Variants in GSTCD observed in about 807,000 individuals in gnomAD.
GSTCD encodes glutathione S-transferase C-terminal domain containing.
Under a neutral mutation model 68.3 loss-of-function variants are expected in GSTCD, and 44 were observed. The ratio of observed to expected loss-of-function variants is 0.64; its 90% CI spans 0.51 to 0.83. The LOEUF is 0.83. Among genes scored for constraint, GSTCD ranks in the 40% least tolerant of loss-of-function variants. The pLI is 0.00. For synonymous variants in GSTCD, 273 were observed against 255.2 expected (o/e 1.07, Z -0.67); for missense variants, 739 against 735.9 (o/e 1.00, Z -0.05).
chr4:105,832,017 CTTAG>C (rs1309143396), intron 8 of GSTCD, among the ~76,000 whole-genome samples: 6 of 152,238 alleles, frequency 3.9e-5, no homozygotes, highest in Middle Eastern at 6.8e-3. Context: ...AGATTTTTAG[CTTAG>C]TTAGGAATTA....
intron 5 of GSTCD, among the ~76,000 whole-genome samples, chr4:105,816,172 G>C (rs895831955): frequency 6.6e-6 from 1 of 152,026 alleles, no homozygotes; most frequent in Non-Finnish European, 1.5e-5. Flanking sequence ...TGCCTAAACA[G>C]TTTTTAGTTA....
chr4:105,718,072 G>A, intron 2 of GSTCD, 33 bp downstream of exon 2: 2 of 1,486,224 alleles, frequency 1.3e-6, no homozygotes, highest in South Asian at 1.3e-5. Context: ...GTTATTTGAA[G>A]CTACACAGTG....
chr4:105,801,969 A>G (rs1736121876), intron 5 of GSTCD, among the ~76,000 whole-genome samples: 1 of 152,022 alleles, frequency 6.6e-6, no homozygotes, highest in African/African-American at 2.4e-5. Flanking sequence ...GACTTGGGCA[A>G]ATTTATTAAC....
chr4:105,755,642 T>G (rs1303746979), intron 5 of GSTCD, among the ~76,000 whole-genome samples: 1 of 152,136 alleles, frequency 6.6e-6, no homozygotes, highest in African/African-American at 2.4e-5. Flanking sequence ...CCACTTCAGA[T>G]GCCAATCACC....
At chr4:105,731,993 G>A (rs183835669) in intron 5 of GSTCD, among the ~76,000 whole-genome samples, 127 of 152,116 alleles carry the variant, frequency 8.3e-4, no homozygotes, top group African/African-American at 2.7e-3. Context: ...GCTGGATTAC[G>A]TTTATTGATT....
At chr4:105,732,467 G>T (rs550253712) in intron 5 of GSTCD, among the ~76,000 whole-genome samples, 1 of 152,256 alleles carries the variant, frequency 6.6e-6, no homozygotes, top group South Asian at 2.1e-4. Flanking sequence ...AGATTTTCTA[G>T]TTTATTTGCA....
intron 5 of GSTCD, among the ~76,000 whole-genome samples, chr4:105,808,704 G>C (rs914286012): frequency 6.6e-6 from 1 of 152,018 alleles, no homozygotes; most frequent in Non-Finnish European, 1.5e-5. Context: ...TTAGTTACCC[G>C]CAGTCAACTG....
At chr4:105,818,874 C>T (rs1723139042) in intron 5 of GSTCD, among the ~76,000 whole-genome samples, 1 of 151,676 alleles carries the variant, frequency 6.6e-6, no homozygotes, top group Admixed American at 6.6e-5. Flanking sequence ...AATTAAATCA[C>T]TTAATGGCAG....
intron 5 of GSTCD, among the ~76,000 whole-genome samples, chr4:105,731,734 A>G (rs1192130817): frequency 6.6e-6 from 1 of 152,174 alleles, no homozygotes; most frequent in Non-Finnish European, 1.5e-5. Context: ...ACTATGTTGA[A>G]TAGGAGTGAT....
intron 9 of GSTCD, among the ~76,000 whole-genome samples, chr4:105,835,655 A>T (rs546917217): frequency 6.6e-6 from 1 of 151,776 alleles, no homozygotes; most frequent in East Asian, 2.0e-4. Context: ...TCTCCTTCTC[A>T]TGCTTGCAAC....
intron 10 of GSTCD, among the ~76,000 whole-genome samples, chr4:105,838,985 G>C (rs941616673): frequency 3.3e-5 from 5 of 152,196 alleles, no homozygotes; most frequent in African/African-American, 1.2e-4. Flanking sequence ...ACCTAAAAAT[G>C]TTCATTGTTA....
chr4:105,794,156 C>T (rs1735781635), intron 5 of GSTCD, among the ~76,000 whole-genome samples: 1 of 151,900 alleles, frequency 6.6e-6, no homozygotes, highest in African/African-American at 2.4e-5. Flanking sequence ...TATTCATGTA[C>T]TTGAAATATA....
At chr4:105,819,544 A>G (rs1437041821) in intron 5 of GSTCD, among the ~76,000 whole-genome samples, 1 of 151,808 alleles carries the variant, frequency 6.6e-6, no homozygotes, top group Non-Finnish European at 1.5e-5. Context: ...TGTTCCAAGC[A>G]TGAAAACCAT....
intron 7 of GSTCD, 30 bp from the exon 8 acceptor site, chr4:105,825,642 A>T (rs773153324): frequency 1.6e-6 from 2 of 1,257,794 alleles, no homozygotes; most frequent in Non-Finnish European, 2.3e-6. Flanking sequence ...ATGTTACTAA[A>T]TATACTATTG....
chr4:105,739,307 T>C (rs1182610497), intron 5 of GSTCD, among the ~76,000 whole-genome samples: 1 of 152,170 alleles, frequency 6.6e-6, no homozygotes, highest in Non-Finnish European at 1.5e-5. Context: ...CTTTTTCTGT[T>C]GTATAAGTTT....
chr4:105,758,909 C>A (rs1275523678), intron 5 of GSTCD, among the ~76,000 whole-genome samples: 1 of 152,070 alleles, frequency 6.6e-6, no homozygotes. Flanking sequence ...ATTATTTTAT[C>A]ATCACAAGGT....
chr4:105,722,583 A>T (rs1038781805), intron 3 of GSTCD, among the ~76,000 whole-genome samples: 2 of 152,096 alleles, frequency 1.3e-5, no homozygotes, highest in Non-Finnish European at 2.9e-5. Flanking sequence ...CAAATATTTT[A>T]TATAGTAAGT....
chr4:105,745,227 T>G (rs1272064826), intron 5 of GSTCD, among the ~76,000 whole-genome samples: 18 of 152,190 alleles, frequency 1.2e-4, no homozygotes. Context: ...ACCTACTGAG[T>G]TGAATTCCAG....
intron 2 of GSTCD, 87 bp downstream of exon 2, chr4:105,718,126 G>A (rs1186344708): frequency 9.5e-7 from 1 of 1,047,774 alleles, no homozygotes; most frequent in South Asian, 1.7e-5. Flanking sequence ...CTTCCTATTA[G>A]GAATAAAAGT....
Sources: gnomAD v4.1 joint callset for allele counts (sites outside exome capture counted in the v4.1 genomes callset) on GRCh38, gnomAD v4.1.1 for gene constraint, MANE v1.5 for transcripts, NCBI Gene and HGNC (gene_info 2026-07-23, HGNC 2026-07-21) for gene names.